MSRA: variants seen among roughly 807,000 people sequenced by gnomAD.
MSRA encodes the protein mitochondrial peptide methionine sulfoxide reductase.
MSRA carries 54 observed loss-of-function variants against 31.3 expected under a neutral mutation model. The observed-to-expected ratio is 1.73, with a 90% CI of 1.39 to 2.17. The LOEUF is 2.17. MSRA is among the 30% of genes most tolerant of loss of function. MSRA has a pLI of 0.00. For missense variants in MSRA, 507 were observed against 300.9 expected (o/e 1.69, Z -5.07); for synonymous variants, 169 against 116.5 (o/e 1.45, Z -2.90).
intron 3 of MSRA, among the ~76,000 whole-genome samples, chr8:10,268,644 T>G (rs1798870290): frequency 6.6e-6 from 1 of 152,256 alleles, no homozygotes; most frequent in Admixed American, 6.5e-5. Flanking sequence ...AAAGACTTTC[T>G]TAAAAAATAA....
At chr8:10,263,958 A>C (rs1206181362) in intron 3 of MSRA, among the ~76,000 whole-genome samples, 1 of 152,204 alleles carries the variant, frequency 6.6e-6, no homozygotes, top group African/African-American at 2.4e-5. Flanking sequence ...CACTCAAGTA[A>C]ATAATGATGT....
intron 1 of MSRA, among the ~76,000 whole-genome samples, chr8:10,177,893 A>G (rs1287026385): frequency 6.6e-6 from 1 of 152,172 alleles, no homozygotes; most frequent in African/African-American, 2.4e-5. Context: ...GATTTTAGGG[A>G]CCAGGGAGTG....
intron 2 of MSRA, among the ~76,000 whole-genome samples, chr8:10,222,777 G>T (rs59673624): frequency 0.015 from 2,299 of 152,294 alleles, 68 homozygotes; most frequent in African/African-American, 0.052. Context: ...TATGTGGAAT[G>T]TTTAGAAAAG....
intron 1 of MSRA, among the ~76,000 whole-genome samples, chr8:10,198,499 C>A (rs1028051320): frequency 2.0e-5 from 3 of 152,088 alleles, no homozygotes. Context: ...TACAGTTTTT[C>A]TGTATTTTAA....
chr8:10,276,447 G>A (rs1405749606), intron 3 of MSRA, among the ~76,000 whole-genome samples: 3 of 152,166 alleles, frequency 2.0e-5, no homozygotes, highest in Non-Finnish European at 2.9e-5. Context: ...TGACAATTCC[G>A]GCCTCACAAT....
chr8:10,059,157 A>G (rs779504567), intron 1 of MSRA: 3 of 152,218 alleles, frequency 2.0e-5, no homozygotes, highest in Non-Finnish European at 4.4e-5. Flanking sequence ...TATTGGGACA[A>G]CTGGGTAGCC....
At chr8:10,073,643 C>G (rs771885325) in intron 1 of MSRA, among the ~76,000 whole-genome samples, 1 of 151,986 alleles carries the variant, frequency 6.6e-6, no homozygotes, top group Non-Finnish European at 1.5e-5. Flanking sequence ...CTCTAATTGG[C>G]TAAGACCTAG....
intron 1 of MSRA, among the ~76,000 whole-genome samples, chr8:10,055,529 G>T (rs994988614): frequency 1.4e-4 from 21 of 152,198 alleles, no homozygotes; most frequent in African/African-American, 5.1e-4. Flanking sequence ...CTGGGTGGGC[G>T]TTCCCCCATT....
intron 4 of MSRA, among the ~76,000 whole-genome samples, chr8:10,313,505 A>C (rs1801550444): frequency 1.3e-5 from 2 of 152,104 alleles, no homozygotes; most frequent in African/African-American, 2.4e-5. Context: ...ACAAAAAAAA[A>C]CATGGCATTG....
intron 1 of MSRA, among the ~76,000 whole-genome samples, chr8:10,141,038 G>C (rs886304643): frequency 2.0e-5 from 3 of 152,166 alleles, no homozygotes; most frequent in Admixed American, 1.3e-4. Flanking sequence ...CATAAGAAAA[G>C]GTGATGGGCA....
chr8:10,374,116 G>A (rs1257412549), intron 5 of MSRA, among the ~76,000 whole-genome samples: 1 of 152,232 alleles, frequency 6.6e-6, no homozygotes, highest in Non-Finnish European at 1.5e-5. Context: ...GCCGCCTTAT[G>A]TTCAGTGTAG....
At chr8:10,157,630 AAAT>A (rs947033663) in intron 1 of MSRA, among the ~76,000 whole-genome samples, 1 of 151,922 alleles carries the variant, frequency 6.6e-6, no homozygotes, top group Non-Finnish European at 1.5e-5. Context: ...TTACACTCTA[AAAT>A]AATAATAATA....
intron 2 of MSRA, among the ~76,000 whole-genome samples, chr8:10,228,962 G>C (rs540273691): frequency 7.2e-5 from 11 of 152,100 alleles, no homozygotes; most frequent in Non-Finnish European, 1.6e-4. Context: ...TTTACTCACT[G>C]ATCACAATTG....
chr8:10,362,461 C>CAAA (rs11388593), intron 5 of MSRA, among the ~76,000 whole-genome samples: 59 of 76,702 alleles, frequency 7.7e-4, no homozygotes, highest in African/African-American at 2.0e-3. Context: ...ATACCATAAG[C>CAAA]AAAAAAAAAA....
intron 3 of MSRA, among the ~76,000 whole-genome samples, chr8:10,247,469 T>C (rs1246508462): frequency 2.0e-5 from 3 of 152,214 alleles, no homozygotes; most frequent in African/African-American, 7.2e-5. Flanking sequence ...TTTTTAATTA[T>C]ATTAGTGTGC....
intron 4 of MSRA, among the ~76,000 whole-genome samples, chr8:10,316,051 T>C (rs370495531): frequency 1.3e-5 from 2 of 152,198 alleles, no homozygotes; most frequent in African/African-American, 4.8e-5. Context: ...CTTTTAGATA[T>C]GGAATAAATA....
Position 10,199,105 on chromosome 8 carries a change from A to T in MSRA, c.143-8728A>T, listed in dbSNP as rs773448606. Among the ~76,000 whole-genome samples, 4 of 152,080 alleles carry T rather than the reference A, an allele frequency of 2.6e-5. 1 individual carries two copies. Among genetic ancestry groups the T allele is most frequent in the Admixed American group, 2.6e-4 (4 of 15,292 alleles). On this transcript the variant is annotated intron_variant, in intron 1 of 5. Transcript: ENST00000317173. ...TCCTCCCTTTGTCTTTGGTGATGCA[A>T]CCTCTGTCTTTTGCAGAATCATGGA...
intron 5 of MSRA, among the ~76,000 whole-genome samples, chr8:10,418,949 C>T (rs1386175579): frequency 1.3e-5 from 2 of 151,292 alleles, no homozygotes; most frequent in East Asian, 1.9e-4. Flanking sequence ...CAGAGTGAGA[C>T]CCTGTCTCCA....
chr8:10,302,086 TAAAG>T (rs922427709), intron 4 of MSRA, among the ~76,000 whole-genome samples: 4 of 152,242 alleles, frequency 2.6e-5, no homozygotes, highest in African/African-American at 9.6e-5. Flanking sequence ...TATGTGGTGA[TAAAG>T]AAGAACATAA....
Sources: allele counts gnomAD v4.1 joint callset (sites outside exome capture counted in the v4.1 genomes callset), GRCh38; gene constraint gnomAD v4.1.1; transcripts MANE v1.5; gene names NCBI Gene and HGNC (gene_info 2026-07-23, HGNC 2026-07-21).